The following SH3BGRL2 variants were observed in gnomAD, a reference collection of about 807,000 sequenced individuals.
The protein encoded by SH3BGRL2 is SH3 domain-binding glutamic acid-rich-like protein 2.
Under a neutral mutation model 14.8 loss-of-function variants are expected in SH3BGRL2, and 21 were observed. The ratio of observed to expected loss-of-function variants is 1.42; its 90% CI spans 1.01 to 2.05. The LOEUF is 2.05. Ranked by LOEUF, SH3BGRL2 falls within the 30% of genes most tolerant of loss-of-function variation. SH3BGRL2 has a pLI of 0.00. For missense variants in SH3BGRL2, 147 were observed against 130.8 expected (o/e 1.12, Z -0.61); for synonymous variants, 50 against 47.8 (o/e 1.05, Z -0.19).
the SH3BGRL2 span, among the ~76,000 whole-genome samples, chr6:79,578,445 A>G: frequency 6.6e-6 from 1 of 152,204 alleles, no homozygotes; most frequent in African/African-American, 2.4e-5. Context: ...TCAGGCAGCA[A>G]TATTTGCTGT....
At chr6:79,585,409 G>T in the SH3BGRL2 span, among the ~76,000 whole-genome samples, 1,282 of 152,236 alleles carry the variant, frequency 8.4e-3, 13 homozygotes, top group South Asian at 0.015. Flanking sequence ...CATTTACTTT[G>T]TATCTCTAAC....
chr6:79,599,485 C>T, the SH3BGRL2 span, among the ~76,000 whole-genome samples: 2 of 151,914 alleles, frequency 1.3e-5, no homozygotes, highest in East Asian at 3.9e-4. Context: ...ATTCTACTGC[C>T]TCAGCCTCCC....
chr6:79,632,592 C>T (rs1354121116), intron 1 of SH3BGRL2, among the ~76,000 whole-genome samples: 1 of 152,156 alleles, frequency 6.6e-6, no homozygotes, highest in Non-Finnish European at 1.5e-5. Flanking sequence ...GTTTGAAAAT[C>T]CTTGTACACC....
At chr6:79,571,091 G>T in the SH3BGRL2 span, among the ~76,000 whole-genome samples, 1 of 152,164 alleles carries the variant, frequency 6.6e-6, no homozygotes, top group African/African-American at 2.4e-5. Context: ...TAAAAAAGAT[G>T]CTTTGTTAGT....
chr6:79,643,018 C>A (rs1445168902), intron 1 of SH3BGRL2, among the ~76,000 whole-genome samples: 1 of 152,072 alleles, frequency 6.6e-6, no homozygotes, highest in African/African-American at 2.4e-5. Flanking sequence ...GAAGAGGGGA[C>A]CCATTGTGCT....
At chr6:79,687,568 T>C (rs1035803477) in intron 2 of SH3BGRL2, among the ~76,000 whole-genome samples, 1 of 152,202 alleles carries the variant, frequency 6.6e-6, no homozygotes, top group African/African-American at 2.4e-5. Flanking sequence ...TGGAATTGTC[T>C]ACTGTTTTTT....
chr6:79,655,056 G>GTT (rs996107595), intron 1 of SH3BGRL2, among the ~76,000 whole-genome samples: 2 of 151,920 alleles, frequency 1.3e-5, no homozygotes, highest in Admixed American at 1.3e-4. Flanking sequence ...TAACCTGGGT[G>GTT]TTTTTTTTGT....
chr6:79,600,344 C>T, the SH3BGRL2 span, among the ~76,000 whole-genome samples: 2 of 152,180 alleles, frequency 1.3e-5, no homozygotes. Context: ...ATTTAACTCC[C>T]TTTAACTCCT....
chr6:79,602,098 A>G, the SH3BGRL2 span, among the ~76,000 whole-genome samples: 1 of 152,234 alleles, frequency 6.6e-6, no homozygotes, highest in African/African-American at 2.4e-5. Context: ...AAAGTCTAAA[A>G]TGAGTTTATC....
At chr6:79,660,053 G>T (rs140276850) in intron 1 of SH3BGRL2, among the ~76,000 whole-genome samples, 2 of 152,172 alleles carry the variant, frequency 1.3e-5, no homozygotes, top group African/African-American at 4.8e-5. Flanking sequence ...AGACGATGGG[G>T]TTTTCTAAAT....
At chr6:79,608,291 G>C in the SH3BGRL2 span, among the ~76,000 whole-genome samples, 152 of 152,276 alleles carry the variant, frequency 1.0e-3, 1 homozygote, top group African/African-American at 3.6e-3. Flanking sequence ...CTTCAATTGG[G>C]AGGAAGAGAA....
At chr6:79,603,694 A>G in the SH3BGRL2 span, among the ~76,000 whole-genome samples, 4 of 152,340 alleles carry the variant, frequency 2.6e-5, no homozygotes, top group South Asian at 6.2e-4. Context: ...ATTGTGGCCC[A>G]CAATGATATA....
At chr6:79,593,982 G>T in the SH3BGRL2 span, among the ~76,000 whole-genome samples, 2 of 148,212 alleles carry the variant, frequency 1.3e-5, no homozygotes, top group Non-Finnish European at 3.0e-5. Flanking sequence ...CTGAGATAGT[G>T]CCACTGCACT....
the SH3BGRL2 span, among the ~76,000 whole-genome samples, chr6:79,542,244 C>A: frequency 1.3e-5 from 2 of 151,606 alleles, no homozygotes; most frequent in African/African-American, 4.8e-5. Context: ...TTTCTCAGAT[C>A]CTAGCCTGCC....
chr6:79,685,566 T>C (rs1227452939), intron 2 of SH3BGRL2, among the ~76,000 whole-genome samples: 1 of 152,160 alleles, frequency 6.6e-6, no homozygotes, highest in African/African-American at 2.4e-5. Flanking sequence ...GAAGAGAAAT[T>C]GACATTCTCA....
At chr6:79,638,902 G>T (rs1421175611) in intron 1 of SH3BGRL2, among the ~76,000 whole-genome samples, 1 of 151,964 alleles carries the variant, frequency 6.6e-6, no homozygotes, top group Non-Finnish European at 1.5e-5. Flanking sequence ...TTTTCACTCT[G>T]TTGATTGTTG....
At chr6:79,626,049 AGTCAG>A in the SH3BGRL2 span, among the ~76,000 whole-genome samples, 1 of 152,294 alleles carries the variant, frequency 6.6e-6, no homozygotes, top group East Asian at 1.9e-4. Context: ...ATCCTTGGGG[AGTCAG>A]GTAATATTAG....
At chr6:79,627,192 A>C (rs571579030), upstream of SH3BGRL2, among the ~76,000 whole-genome samples, 13 of 152,200 alleles carry the variant, frequency 8.5e-5, 1 homozygote, top group South Asian at 2.7e-3. Context: ...ATCCCCCTTT[A>C]TTCTATTGCT....
rs536865534 is a variant in SH3BGRL2, at chr6:79,701,955, T to G, written c.*2446T>G. The G allele has an allele frequency of 2.0e-5, 3 of 152,764 alleles. No homozygotes were observed. The highest frequency in any genetic ancestry group is 3.9e-4 in the East Asian group (2 of 5,188). The allele number at this position is 152,764 out of a possible 1,614,324, so 9.5% of individuals were successfully genotyped here. A position where few individuals can be genotyped will look rare whatever the true frequency, so the allele number is the denominator to read the frequency against. On this transcript the variant is annotated 3_prime_UTR_variant, in exon 4 of 4. Coordinates refer to ENST00000369838, the MANE Select transcript of SH3BGRL2 (RefSeq NM_031469.4). Reference sequence around the variant, plus strand: ...TCAAGGGCATTTCAAGACAGAATTTTTATTTCCTGTAGTAGGCTTGCTGGA... The same window carrying G: ...TCAAGGGCATTTCAAGACAGAATTTGTATTTCCTGTAGTAGGCTTGCTGGA...
Sources: allele counts gnomAD v4.1 joint callset (sites outside exome capture counted in the v4.1 genomes callset), GRCh38; gene constraint gnomAD v4.1.1; transcripts MANE v1.5; gene names NCBI Gene and HGNC (gene_info 2026-07-23, HGNC 2026-07-21).